The following AKAP10 variants were observed in gnomAD, a reference collection of about 807,000 sequenced individuals.
AKAP10 encodes the protein A-kinase anchoring protein 10, also known as A-kinase anchor protein 10, mitochondrial.
AKAP10 carries 24 observed loss-of-function variants against 80.8 expected under a neutral mutation model. The observed-to-expected ratio is 0.30, with a 90% CI of 0.22 to 0.42. The LOEUF is 0.42. Ranked by LOEUF, AKAP10 falls within the 10% of genes least tolerant of loss-of-function variation. The pLI, the probability that AKAP10 is intolerant of heterozygous loss-of-function variation, is 1.00. For missense variants in AKAP10, 661 were observed against 794.9 expected, an observed-to-expected ratio of 0.83 and a Z score of 2.03; for synonymous variants, 291 against 277.7, an observed-to-expected ratio of 1.05 and a Z score of -0.48.
intron 9 of AKAP10, among the ~76,000 whole-genome samples, chr17:19,935,371 T>C (rs2042981568): frequency 1.3e-5 from 2 of 152,202 alleles, no homozygotes; most frequent in South Asian, 2.1e-4. Context: ...GAGTGGTAAG[T>C]GAATGTGAAG....
intron 3 of AKAP10, among the ~76,000 whole-genome samples, chr17:19,958,868 T>TG (rs1567773319): frequency 1.4e-5 from 2 of 138,288 alleles, no homozygotes; most frequent in Non-Finnish European, 3.0e-5. Flanking sequence ...TTTTTTTTTT[T>TG]GAGACTTTTC....
intron 7 of AKAP10, 114 bp from the exon 8 acceptor site, chr17:19,939,963 T>C: frequency 8.6e-7 from 1 of 1,160,064 alleles, no homozygotes; most frequent in Non-Finnish European, 1.2e-6. Flanking sequence ...AACAAAAAGA[T>C]CTACTTCTTC....
intron 13 of AKAP10, among the ~76,000 whole-genome samples, chr17:19,909,631 T>C (rs2042668201): frequency 7.2e-6 from 1 of 139,802 alleles, no homozygotes; most frequent in African/African-American, 2.7e-5. Flanking sequence ...AAGGAAACAT[T>C]TGAGCTTTTG....
intron 5 of AKAP10, among the ~76,000 whole-genome samples, chr17:19,946,275 A>ATAT (rs1396725688): frequency 3.1e-4 from 4 of 12,944 alleles, no homozygotes; most frequent in Non-Finnish European, 2.7e-4. Flanking sequence ...ATATATATAT[A>ATAT]TTTTTTTTTT....
At chr17:19,923,727 C>T (rs1406390580) in intron 11 of AKAP10, among the ~76,000 whole-genome samples, 6 of 151,956 alleles carry the variant, frequency 3.9e-5, no homozygotes, top group Non-Finnish European at 7.4e-5. Context: ...GGGGTTTCAT[C>T]GTGTTAGCCA....
At chr17:19,918,493 G>C (rs1394124310) in intron 12 of AKAP10, among the ~76,000 whole-genome samples, 1 of 152,148 alleles carries the variant, frequency 6.6e-6, no homozygotes, top group Non-Finnish European at 1.5e-5. Flanking sequence ...CACCACGCCT[G>C]GCTAATTTAG....
chr17:19,920,488 T>C (rs1429190042), intron 11 of AKAP10, among the ~76,000 whole-genome samples: 1 of 152,164 alleles, frequency 6.6e-6, no homozygotes, highest in Non-Finnish European at 1.5e-5. Flanking sequence ...TATAAAGCCA[T>C]AGTTGTGTGT....
rs964792975 is a variant in AKAP10, at chr17:19,904,906, C to G, written c.*1321G>C. ...CTTACACAAAGCCTTTTTGCTTCTT[C>G]TGTCGATGAAACAGTGTGCCTCTAT... On this transcript the variant is annotated 3_prime_UTR_variant, in exon 15 of 15. Coordinates refer to ENST00000225737, the MANE Select transcript of AKAP10 (RefSeq NM_007202.4). The G allele has an allele frequency of 6.6e-6, 1 of 151,848 alleles. No homozygotes were observed. The highest frequency in any genetic ancestry group is 6.6e-5 in the Admixed American group (1 of 15,248). 9.4% of individuals were successfully genotyped at this position (151,848 alleles called of 1,614,324 possible).
chr17:19,951,007 T>G lies in AKAP10; in HGVS notation c.878-3502A>C, dbSNP rs2043198752. ...GTGTCTCTGCCCGACCGCCACCCCATCTGGGAGGTGAGGAGCGTCTCTGCC... is the reference window on the plus strand; with the variant it reads ...GTGTCTCTGCCCGACCGCCACCCCAGCTGGGAGGTGAGGAGCGTCTCTGCC... On this transcript the variant is annotated intron_variant, in intron 4 of 14. Transcript: ENST00000225737. Among the ~76,000 whole-genome samples the G allele has an allele frequency of 2.0e-5, 3 of 148,566 alleles. No individual in the cohort carries two copies. In the South Asian group the frequency reaches 6.5e-4, roughly 32 times the overall value.
At position 19,905,691 on chromosome 17, in the gene AKAP10, A is replaced by T. The variant is rs943404237; in HGVS notation, c.*536T>A. On this transcript the variant is annotated 3_prime_UTR_variant, in exon 15 of 15. Transcript: ENST00000225737. ...CCAAATTAATGCCGCTGTCAAGAAG[A>T]CTGCATAATTAACTCTCACCCTGTT... 2 of 152,530 alleles carry T rather than the reference A, an allele frequency of 1.3e-5. No homozygotes were observed. The highest frequency in any genetic ancestry group is 2.9e-5 in the Non-Finnish European group (2 of 68,198). 9.4% of individuals were successfully genotyped at this position (152,530 alleles called of 1,614,324 possible).
Position 19,924,458 on chromosome 17 carries a change from C to A in AKAP10, c.1701G>T (p.Val567=). The A allele has an allele frequency of 6.2e-7, 1 of 1,607,310 alleles. No homozygotes were observed. Among genetic ancestry groups the A allele is most frequent in the Non-Finnish European group, 8.5e-7 (1 of 1,176,084 alleles). ...ILKNFDEAII[V]DAASLDPESL... is the part of the protein sequence containing the mutation. ...ATTCTGGATCCAGACTTGCCGCATC[C>A]ACAATTATCGCTTCATCAAAATTTT... Residue 567 remains valine (V), a synonymous_variant, in exon 11 of 15, where the codon GTG becomes GTT. Transcript: ENST00000225737.
intron 10 of AKAP10, among the ~76,000 whole-genome samples, chr17:19,930,901 G>T (rs142014823): frequency 0.01 from 1,594 of 152,166 alleles, 19 homozygotes; most frequent in African/African-American, 0.036. Flanking sequence ...AGTAGAGACG[G>T]GGTTTCACCA....
chr17:19,906,995 C>G (rs2042637638), intron 14 of AKAP10, among the ~76,000 whole-genome samples: 1 of 151,242 alleles, frequency 6.6e-6, no homozygotes, highest in South Asian at 2.1e-4. Context: ...AAAAACTCAG[C>G]TAGTTCTTCG....
intron 1 of AKAP10, among the ~76,000 whole-genome samples, chr17:19,972,392 ATCT>A (rs2043509038): frequency 6.6e-6 from 1 of 152,146 alleles, no homozygotes; most frequent in East Asian, 1.9e-4. Flanking sequence ...CTGGATGTAA[ATCT>A]TCTCTTCTAG....
chr17:19,975,710 C>T (rs1397546691), intron 1 of AKAP10, among the ~76,000 whole-genome samples: 2 of 152,170 alleles, frequency 1.3e-5, no homozygotes, highest in Non-Finnish European at 2.9e-5. Context: ...TCCATGGGTG[C>T]AGGGACATTC....
rs1428493551 is a variant in AKAP10, at chr17:19,910,883, A to C, written c.1835-905T>G. On this transcript the variant is annotated intron_variant, in intron 12 of 14. Coordinates refer to ENST00000225737, the MANE Select transcript of AKAP10 (RefSeq NM_007202.4). ...CTAGGATGTATAAGCCCACATCTGT[A>C]ATCACATGCTGAGAATCATCCGAAG... Among the ~76,000 whole-genome samples the C allele has an allele frequency of 1.2e-4, 19 of 152,218 alleles. 1 individual carries two copies. Among genetic ancestry groups the C allele is most frequent in the Admixed American group, 1.2e-3 (19 of 15,284 alleles).
chr17:19,933,871 A>T (rs926625792), intron 9 of AKAP10, among the ~76,000 whole-genome samples: 1 of 152,192 alleles, frequency 6.6e-6, no homozygotes, highest in African/African-American at 2.4e-5. Context: ...CCTCTAGTTC[A>T]TTAGAAGAAT....
At chr17:19,948,263 C>A (rs1044385830) in intron 4 of AKAP10, among the ~76,000 whole-genome samples, 2 of 152,078 alleles carry the variant, frequency 1.3e-5, no homozygotes, top group Non-Finnish European at 2.9e-5. Flanking sequence ...ACTTGCAGTA[C>A]CTCCGTACTC....
intron 5 of AKAP10, among the ~76,000 whole-genome samples, chr17:19,943,381 T>C (rs1228249996): frequency 6.6e-6 from 1 of 152,154 alleles, no homozygotes; most frequent in Non-Finnish European, 1.5e-5. Flanking sequence ...ATGAGGGGGC[T>C]GAAGGTTGAG....
Sources: allele counts gnomAD v4.1 joint callset (sites outside exome capture counted in the v4.1 genomes callset), GRCh38; gene constraint gnomAD v4.1.1; transcripts MANE v1.5; gene names NCBI Gene and HGNC (gene_info 2026-07-23, HGNC 2026-07-21).